IGSF9B: variants seen among roughly 807,000 people sequenced by gnomAD.
IGSF9B encodes the protein immunoglobulin superfamily member 9B, also known as protein turtle homolog B.
Under a neutral mutation model 143.7 loss-of-function variants are expected in IGSF9B, and 48 were observed. The observed-to-expected ratio is 0.33, with a 90% CI of 0.26 to 0.42. IGSF9B has a LOEUF of 0.42. Among genes scored for constraint, IGSF9B ranks in the 20% least tolerant of loss-of-function variants. The probability of loss-of-function intolerance (pLI) is 1.00; values close to 1 mark genes in which losing one functional copy is unlikely to be tolerated. For synonymous variants in IGSF9B, 903 were observed against 833.1 expected (o/e 1.08, Z -1.44); for missense variants, 1,706 against 1,980.0 (o/e 0.86, Z 2.63).
chr11:133,908,888 T>G lies in IGSF9B; in HGVS notation c.*181A>C. 1 of 599,388 alleles carries G rather than the reference T, an allele frequency of 1.7e-6. No individual in the cohort carries two copies. The highest frequency in any genetic ancestry group is 2.8e-5 in the East Asian group (1 of 35,812). The allele number at this position is 599,388 out of a possible 1,614,324, so 37.1% of individuals were successfully genotyped here. ...CCACAGGTGGAAGGTGTGCCCACCC[T>G]CCGTCCTGAAGACAGGCGGCCAGGA... On this transcript the variant is annotated 3_prime_UTR_variant, in exon 20 of 20. Transcript: ENST00000533871.
At chr11:133,926,548 A>G (rs1271366278) in intron 13 of IGSF9B, among the ~76,000 whole-genome samples, 2 of 152,242 alleles carry the variant, frequency 1.3e-5, no homozygotes, top group African/African-American at 4.8e-5. Context: ...CTGCAGCGGG[A>G]GGCAGCCACA....
At chr11:133,927,857 A>G (rs1939655357) in intron 12 of IGSF9B, among the ~76,000 whole-genome samples, 1 of 152,148 alleles carries the variant, frequency 6.6e-6, no homozygotes, top group Admixed American at 6.5e-5. Flanking sequence ...GGTGCCCTCC[A>G]GGATCCACTC....
At chr11:133,944,816 C>T (rs574698114) in intron 2 of IGSF9B, among the ~76,000 whole-genome samples, 8 of 152,310 alleles carry the variant, frequency 5.3e-5, no homozygotes, top group African/African-American at 1.9e-4. Flanking sequence ...TATCCCTATC[C>T]CAGCAGCATT....
At chr11:133,947,109 G>C (rs1023701480) in intron 1 of IGSF9B, among the ~76,000 whole-genome samples, 3 of 152,104 alleles carry the variant, frequency 2.0e-5, no homozygotes, top group Admixed American at 2.0e-4. Flanking sequence ...TGGCAGCAGA[G>C]AGGGCGAGCA....
chr11:133,919,904 C>T lies in IGSF9B; in HGVS notation c.3821G>A (p.Gly1274Asp), dbSNP rs1192979733. The stretch of plus-strand genomic sequence containing the variant: ...GTAGCCGGTGGCCAGAGTGGTGAAG[C>T]CCATGGCGGGCCGGTAGCTGGGACT... Reference protein sequence around the residue: ...SGSPSYRPAMGFTTLATGYPS... With the variant: ...SGSPSYRPAMDFTTLATGYPS... The change falls in exon 18 of 20, where the codon GGC becomes GAC. Residue 1274 changes from glycine to aspartate, a missense_variant. By Grantham distance (94) the Gly-to-Asp change is moderately conservative. Coordinates refer to ENST00000533871, the MANE Select transcript of IGSF9B (RefSeq NM_001277285.4). 1 of 1,574,994 alleles carries T rather than the reference C, an allele frequency of 6.3e-7. No homozygotes were observed. The highest frequency in any genetic ancestry group is 1.4e-5 in the African/African-American group (1 of 73,664).
intron 12 of IGSF9B, 139 bp from the exon 13 acceptor site, chr11:133,927,230 T>C: frequency 1.5e-6 from 1 of 675,820 alleles, no homozygotes; most frequent in Non-Finnish European, 2.5e-6. Flanking sequence ...GAAGAGGGCA[T>C]GGCCCAGAGT....
At position 133,925,929 on chromosome 11, in the gene IGSF9B, A is replaced by G; in HGVS notation, c.1844T>C (p.Val615Ala). Residue 615 changes from valine (V) to alanine (A), a missense_variant, in exon 14 of 20, where the codon GTC becomes GCC. Transcript: ENST00000533871. ...PITTPEPLVL[V>A]TPPRCLIANR... The stretch of plus-strand genomic sequence containing the variant: ...GGCTATGAGGCACCTCGGTGGGGTG[A>G]CCAGCACCAGGGGTTCTGGAGTTGT... 6.2e-7 allele frequency: 1 copy of G among 1,608,412 alleles called. No individual in the cohort carries two copies. Among genetic ancestry groups the G allele is most frequent in the Non-Finnish European group, 8.5e-7 (1 of 1,177,400 alleles).
At chr11:133,924,399 A>G (rs1430628392) in intron 15 of IGSF9B, among the ~76,000 whole-genome samples, 1 of 152,220 alleles carries the variant, frequency 6.6e-6, no homozygotes, top group Non-Finnish European at 1.5e-5. Context: ...CAATTTTCCA[A>G]ATAAAACCCA....
chr11:133,926,436 G>A (rs1398144427), intron 13 of IGSF9B, among the ~76,000 whole-genome samples: 2 of 152,202 alleles, frequency 1.3e-5, no homozygotes, highest in East Asian at 3.9e-4. Context: ...GGAAAAGCCT[G>A]TTCACAGTGG....
At chr11:133,946,306 T>A in intron 1 of IGSF9B, 48 bp from the exon 2 acceptor site, 3 of 1,539,144 alleles carry the variant, frequency 1.9e-6, no homozygotes, top group Non-Finnish European at 2.7e-6. Context: ...GACAAAGAGA[T>A]CCTGCCCCAG....
chr11:133,943,280 C>T (rs56290941), intron 3 of IGSF9B, among the ~76,000 whole-genome samples: 13,261 of 152,248 alleles, frequency 0.087, 1,936 homozygotes, highest in African/African-American at 0.3. Flanking sequence ...TAACGAAGGA[C>T]ACATTGTTAA....
chr11:133,937,726 C>T (rs1367638000), intron 4 of IGSF9B, 84 bp downstream of exon 4: 1 of 1,458,484 alleles, frequency 6.9e-7, no homozygotes, highest in East Asian at 2.4e-5. Context: ...GTGCCTGTAG[C>T]ATCAGGGGTC....
chr11:133,952,229 A>G (rs1345997869), intron 1 of IGSF9B: 1 of 358,120 alleles, frequency 2.8e-6, no homozygotes, highest in African/African-American at 2.1e-5. Context: ...GCTCACACCC[A>G]TGGGCAGCGC....
At chr11:133,944,099 A>T (rs1591724032) in intron 3 of IGSF9B, 121 bp downstream of exon 3, 1 of 1,071,112 alleles carries the variant, frequency 9.3e-7, no homozygotes, top group East Asian at 2.6e-5. Flanking sequence ...AGCAACAAGG[A>T]GGGGGGCAGG....
In IGSF9B at chr11:133,945,231, C is replaced by T. The variant is rs551712762; in HGVS notation, c.262+830G>A. On this transcript the variant is annotated intron_variant, in intron 2 of 19. Transcript: ENST00000533871. This position sits in a 1 kb window ranked among gnomAD's most constrained non-coding sequence, Gnocchi z 4.6. ...GCCAATATCACCACACCTCTGCTCT[C>T]CTCCTCGTCCTGATGCTGGCAATCT... Among the ~76,000 whole-genome samples, 5 of 152,338 alleles carry T rather than the reference C, an allele frequency of 3.3e-5. No homozygotes were observed. In the South Asian group the frequency reaches 1.0e-3, roughly 32 times the overall value.
In IGSF9B at chr11:133,906,991, A is replaced by C. The variant is rs1191413035; in HGVS notation, c.*2078T>G. ...GAGGGTGTGCTACCTGGAAAAAAGA[A>C]CACAAAGAGTTGTGTGCTCTTCCAT... is the stretch of plus-strand genomic sequence containing the variant. On this transcript the variant is annotated 3_prime_UTR_variant, in exon 20 of 20. Transcript: ENST00000533871. Among the ~76,000 whole-genome samples the C allele has an allele frequency of 6.6e-6, 1 of 152,160 alleles. No individual in the cohort carries two copies. The highest frequency in any genetic ancestry group is 1.5e-5 in the Non-Finnish European group (1 of 68,028).
intron 18 of IGSF9B, among the ~76,000 whole-genome samples, chr11:133,915,098 C>G (rs1939356300): frequency 6.6e-6 from 1 of 152,148 alleles, no homozygotes; most frequent in East Asian, 1.9e-4. Flanking sequence ...CTCTTCCCAA[C>G]CAGCCTACAC....
rs1433094101 is a variant in IGSF9B, at chr11:133,901,772, T to G, written c.*7297A>C. On this transcript the variant is annotated 3_prime_UTR_variant, in exon 20 of 20. Coordinates refer to ENST00000533871, the MANE Select transcript of IGSF9B (RefSeq NM_001277285.4). ...GACACTACGCAGGCAAATCAGCATG[T>G]CTGTACAAATCTCTCTCACACACAC... Among the ~76,000 whole-genome samples the G allele has an allele frequency of 1.3e-5, 2 of 151,228 alleles. No homozygotes were observed. The highest frequency in any genetic ancestry group is 2.9e-5 in the Non-Finnish European group (2 of 67,846).
intron 7 of IGSF9B, among the ~76,000 whole-genome samples, chr11:133,932,444 C>T (rs1229367328): frequency 7.5e-6 from 1 of 134,116 alleles, no homozygotes; most frequent in African/African-American, 2.9e-5. Context: ...CAGGGACAGA[C>T]AGACAGACAC....
Sources: gnomAD v4.1 joint callset for allele counts (sites outside exome capture counted in the v4.1 genomes callset) on GRCh38, gnomAD v4.1.1 for gene constraint, Gnocchi (gnomAD v3.1) non-coding constraint, MANE v1.5 for transcripts, NCBI Gene and HGNC (gene_info 2026-07-23, HGNC 2026-07-21) for gene names.